XAB2: variants seen among roughly 807,000 people sequenced by gnomAD.
XAB2 encodes the protein pre-mRNA-splicing factor SYF1.
In XAB2, 57 loss-of-function variants were observed where a neutral mutation model predicts 113.4. The observed-to-expected ratio is 0.50, with a 90% CI of 0.41 to 0.63. The LOEUF (loss-of-function observed/expected upper bound fraction) is 0.63, where lower values mean the gene tolerates loss of function less well. Ranked by LOEUF, XAB2 falls within the 20% of genes least tolerant of loss-of-function variation. The pLI is 0.00. For missense variants in XAB2, 1,037 were observed against 1,233.3 expected (o/e 0.84, Z 2.38); for synonymous variants, 497 against 498.8 (o/e 1.00, Z 0.05).
In XAB2 at chr19:7,622,700, C is replaced by T. The variant is rs759845329; in HGVS notation, c.1372-39G>A. On this transcript the variant is annotated intron_variant, in intron 10 of 18. Coordinates refer to ENST00000358368, the MANE Select transcript of XAB2 (RefSeq NM_020196.3). The stretch of plus-strand genomic sequence containing the variant: ...CAGTGGCCGGGGAGGCGCTCAGGGG[C>T]TGTCCCTGGCCCTTGCCCTACAACC... 1.9e-6 allele frequency: 3 copies of T among 1,610,294 alleles called. No individual in the cohort carries two copies. In the Admixed American group the frequency reaches 5.0e-5, roughly 27 times the overall value.
chr19:7,619,538 T>G lies in XAB2; in HGVS notation c.*48A>C. On this transcript the variant is annotated 3_prime_UTR_variant, in exon 19 of 19. Transcript: ENST00000358368. ...AGGCTCAGACCATGATGTACAAACG[T>G]AGCTGTATTGGGGAGGGGGTGGGGA... is the stretch of plus-strand genomic sequence containing the variant. 7.4e-7 allele frequency: 1 copy of G among 1,347,596 alleles called. No homozygotes were observed. Among genetic ancestry groups the G allele is most frequent in the Non-Finnish European group, 9.9e-7 (1 of 1,010,948 alleles). 83.5% of individuals were successfully genotyped at this position (1,347,596 alleles called of 1,614,324 possible).
Position 7,627,146 on chromosome 19 carries a change from A to G in XAB2, c.522+97T>C. 7.2e-7 allele frequency: 1 copy of G among 1,388,908 alleles called. No individual in the cohort carries two copies. The highest frequency in any genetic ancestry group is 1.2e-5 in the South Asian group (1 of 81,042). 86.0% of individuals were successfully genotyped at this position (1,388,908 alleles called of 1,614,324 possible). A position where few individuals can be genotyped will look rare whatever the true frequency, so the allele number is the denominator to read the frequency against. On this transcript the variant is annotated intron_variant, in intron 4 of 18. Coordinates refer to ENST00000358368, the MANE Select transcript of XAB2 (RefSeq NM_020196.3). The surrounding 1 kb of genome is among the most constrained non-coding windows in gnomAD (Gnocchi z 4.5). ...TGCATCTCCAGGAGCCTCTTCCCAC[A>G]TCCCGTCTGCTGGGTGACATCCTAC... is the stretch of plus-strand genomic sequence containing the variant.
Position 7,627,092 on chromosome 19 carries a change from A to C in XAB2, c.522+151T>G, listed in dbSNP as rs900420077. ...TGAACAAACTATTTGGAAAATAAAG[A>C]CATGAATCACGGACAACAACAAAAC... On this transcript the variant is annotated intron_variant, in intron 4 of 18. Coordinates refer to ENST00000358368, the MANE Select transcript of XAB2 (RefSeq NM_020196.3). This position sits in a 1 kb window ranked among gnomAD's most constrained non-coding sequence, Gnocchi z 4.5. 8 of 899,214 alleles carry C rather than the reference A, an allele frequency of 8.9e-6. No individual in the cohort carries two copies. Among genetic ancestry groups the C allele is most frequent in the Middle Eastern group, 3.3e-4 (1 of 2,992 alleles). 55.7% of individuals were successfully genotyped at this position (899,214 alleles called of 1,614,324 possible).
Position 7,622,619 on chromosome 19 carries a change from C to T in XAB2, c.1414G>A (p.Gly472Ser), listed in dbSNP as rs1443348555. ...ACGCGGTTCTGCACGGGCTCTGAAC[C>T]ATCAAAGTACTCGGCCCGGCGGGCA... is the stretch of plus-strand genomic sequence containing the variant. Reference protein sequence around the residue: ...LPARRAEYFDGSEPVQNRVYK... With the variant: ...LPARRAEYFDSSEPVQNRVYK... Residue 472 changes from glycine to serine, a missense_variant, in exon 11 of 19, where the codon GGT becomes AGT. Physicochemically the swap from Gly to Ser is moderately conservative, Grantham distance 56 (BLOSUM62 0). Transcript: ENST00000358368. 6.2e-7 allele frequency: 1 copy of T among 1,612,410 alleles called. No individual in the cohort carries two copies. The highest frequency in any genetic ancestry group is 2.2e-5 in the East Asian group (1 of 44,882).
intron 11 of XAB2, 39 bp downstream of exon 11, chr19:7,622,491 G>A (rs2031054804): frequency 6.2e-7 from 1 of 1,613,786 alleles, no homozygotes. Flanking sequence ...CTGGAGCTGA[G>A]TCCGGGGCCC....
In XAB2 at chr19:7,621,191, C is replaced by T. The variant is rs750891344; in HGVS notation, c.1724G>A (p.Arg575Gln). The change falls in exon 13 of 19, where the codon CGG becomes CAG. Residue 575 changes from arginine (R) to glutamine (Q), a missense_variant. Physicochemically the swap from Arg to Gln is conservative, Grantham distance 43. Transcript: ENST00000358368. Reference sequence around the variant, plus strand: ...AGCCTGTTCAAACAGGTCCCGTGCCCGCTCCAGCTTGCGGCCCCCATAGCG... The same window carrying T: ...AGCCTGTTCAAACAGGTCCCGTGCCTGCTCCAGCTTGCGGCCCCCATAGCG... ...IARYGGRKLERARDLFEQALD... is the reference protein window; with the variant it reads ...IARYGGRKLEQARDLFEQALD... 5 of 1,613,040 alleles carry T rather than the reference C, an allele frequency of 3.1e-6. No homozygotes were observed. The highest frequency in any genetic ancestry group is 2.2e-5 in the East Asian group (1 of 44,876).
chr19:7,622,481 C>T, intron 11 of XAB2, 37 bp from the exon 12 acceptor site: 1 of 1,613,926 alleles, frequency 6.2e-7, no homozygotes, highest in Non-Finnish European at 8.5e-7. Context: ...GGAGCTGGTT[C>T]TGGAGCTGAG....
Position 7,627,198 on chromosome 19 carries a change from T to C in XAB2, c.522+45A>G, listed in dbSNP as rs774318894. Reference sequence around the variant, plus strand: ...CGGAGCTAGTGTCACAGTGAGGCCGTTTCTGGAAACTAACCTGGGGAACCA... The same window carrying C: ...CGGAGCTAGTGTCACAGTGAGGCCGCTTCTGGAAACTAACCTGGGGAACCA... On this transcript the variant is annotated intron_variant, in intron 4 of 18. Coordinates refer to ENST00000358368, the MANE Select transcript of XAB2 (RefSeq NM_020196.3). This position sits in a 1 kb window ranked among gnomAD's most constrained non-coding sequence, Gnocchi z 4.5. The C allele has an allele frequency of 3.7e-6, 6 of 1,601,550 alleles. No individual in the cohort carries two copies. Among genetic ancestry groups the C allele is most frequent in the Non-Finnish European group, 5.1e-6 (6 of 1,177,004 alleles).
chr19:7,626,293 G>T (rs138662514), intron 4 of XAB2, 23 bp from the exon 5 acceptor site: 51 of 1,598,430 alleles, frequency 3.2e-5, no homozygotes, highest in Non-Finnish European at 4.3e-5. Flanking sequence ...CCACCCCTCA[G>T]GCAGTCAGTG....
Position 7,625,903 on chromosome 19 carries a change from T to C in XAB2, c.799A>G (p.Ile267Val), listed in dbSNP as rs1446908025. The C allele has an allele frequency of 1.2e-6, 2 of 1,611,750 alleles. No individual in the cohort carries two copies. Among genetic ancestry groups the C allele is most frequent in the South Asian group, 1.1e-5 (1 of 90,882 alleles). The part of the protein sequence containing the change: ...KLWCSLADYY[I>V]RSGHFEKARD... Reference sequence around the variant, plus strand: ...ACCTTCTCGAAATGGCCGCTGCGGATGTAGTAGTCGGCGAGAGAACACCAG... The same window carrying C: ...ACCTTCTCGAAATGGCCGCTGCGGACGTAGTAGTCGGCGAGAGAACACCAG... Residue 267 changes from isoleucine to valine, a missense_variant, in exon 6 of 19, where the codon ATC becomes GTC. Ile to Val is a conservative substitution (Grantham distance 29). Transcript: ENST00000358368. The surrounding 1 kb of genome is among the most constrained non-coding windows in gnomAD (Gnocchi z 5.2).
In XAB2 at chr19:7,619,640, C is replaced by T. The variant is rs763586732; in HGVS notation, c.2514G>A (p.Arg838=). 25 of 1,603,636 alleles carry T rather than the reference C, an allele frequency of 1.6e-5. No individual in the cohort carries two copies. The highest frequency in any genetic ancestry group is 1.9e-5 in the Non-Finnish European group (22 of 1,174,468). Reference sequence around the variant, plus strand: ...CGGCTGGCACGCTCTGCTGCTCCAGCCGAACCTCTGTGGGGAAGGCGGGAG... The same window carrying T: ...CGGCTGGCACGCTCTGCTGCTCCAGTCGAACCTCTGTGGGGAAGGCGGGAG... ...DEMDLEPNEV[R]LEQQSVPAAV... is the part of the protein sequence containing the mutation. The change falls in exon 19 of 19, where the codon CGG becomes CGA. Residue 838 remains arginine, a synonymous_variant. Transcript: ENST00000358368.
Position 7,626,270 on chromosome 19 carries a change from G to A in XAB2, c.523C>T (p.Leu175=), listed in dbSNP as rs780940197. The A allele has an allele frequency of 5.0e-6, 8 of 1,607,908 alleles. No individual in the cohort carries two copies. The highest frequency in any genetic ancestry group is 6.8e-6 in the Non-Finnish European group (8 of 1,178,006). The change falls in exon 5 of 19, where the codon CTG becomes TTG. Residue 175 remains leucine, a splice_region_variant and synonymous_variant. Coordinates refer to ENST00000358368, the MANE Select transcript of XAB2 (RefSeq NM_020196.3). ...AVRGYRRFLK[L]SPESAEEYIE... ...TACTCCTCTGCACTCTCAGGACTCA[G>A]CTGGGGACCGAGCCACCCCTCAGGC...
chr19:7,622,252 G>A (rs947786715), intron 12 of XAB2, 79 bp downstream of exon 12: 30 of 1,330,994 alleles, frequency 2.3e-5, no homozygotes, highest in Non-Finnish European at 3.1e-5. Flanking sequence ...ACAAGCCCCA[G>A]CAGATTCGTA....
At chr19:7,621,098 C>CCCCCCCCCCCCCCCCA in intron 13 of XAB2, 37 bp downstream of exon 13, 1 of 1,495,076 alleles carries the variant, frequency 6.7e-7, no homozygotes, top group Non-Finnish European at 9.0e-7. Context: ...AAACCCAGCC[C>CCCCCCCCCCCCCCCCA]GCCCGCCACC....
Position 7,626,284 on chromosome 19 carries a change from C to A in XAB2, c.523-14G>T, listed in dbSNP as rs775575789. The A allele has an allele frequency of 1.2e-6, 2 of 1,604,122 alleles. No individual in the cohort carries two copies. The highest frequency in any genetic ancestry group is 1.7e-5 in the Admixed American group (1 of 59,940). On this transcript the variant is annotated splice_polypyrimidine_tract_variant and intron_variant, in intron 4 of 18. Transcript: ENST00000358368. ...CTCAGGACTCAGCTGGGGACCGAGC[C>A]ACCCCTCAGGCAGTCAGTGGGGTGG...
At position 7,627,856 on chromosome 19, in the gene XAB2, G is replaced by A. The variant is rs778389902; in HGVS notation, c.201-5C>T. 1.9e-6 allele frequency: 3 copies of A among 1,611,562 alleles called. No individual in the cohort carries two copies. The highest frequency in any genetic ancestry group is 2.5e-6 in the Non-Finnish European group (3 of 1,177,880). Reference sequence around the variant, plus strand: ...TATCGGTACCAGAGTTTGTAGCTGGGGAATAGGAGGGGACAGATGCTGATC... The same window carrying A: ...TATCGGTACCAGAGTTTGTAGCTGGAGAATAGGAGGGGACAGATGCTGATC... On this transcript the variant is annotated splice_region_variant and splice_polypyrimidine_tract_variant and intron_variant, in intron 2 of 18. Transcript: ENST00000358368. The surrounding 1 kb of genome is among the most constrained non-coding windows in gnomAD (Gnocchi z 4.5).
rs1343001048 is a variant in XAB2 at position 7,623,061 on chromosome 19, C to T, written c.1239+109G>A. ...ATGCATGCACCCAAATGCACATGCACACACACGTGCACACATCCATGCACA... is the reference window on the plus strand; with the variant it reads ...ATGCATGCACCCAAATGCACATGCATACACACGTGCACACATCCATGCACA... On this transcript the variant is annotated intron_variant, in intron 9 of 18. Coordinates refer to ENST00000358368, the MANE Select transcript of XAB2 (RefSeq NM_020196.3). The surrounding 1 kb of genome is among the most constrained non-coding windows in gnomAD (Gnocchi z 4.6). 4.6e-5 allele frequency: 71 copies of T among 1,557,994 alleles called. No homozygotes were observed. The highest frequency in any genetic ancestry group is 1.1e-4 in the Admixed American group (6 of 57,002).
Position 7,623,083 on chromosome 19 carries a change from C to A in XAB2, c.1239+87G>T. 1 of 1,581,032 alleles carries A rather than the reference C, an allele frequency of 6.3e-7. No homozygotes were observed. The highest frequency in any genetic ancestry group is 8.6e-7 in the Non-Finnish European group (1 of 1,163,400). ...GCACACACACGTGCACACATCCATG[C>A]ACAAATATGTACACACACATACATG... On this transcript the variant is annotated intron_variant, in intron 9 of 18. Coordinates refer to ENST00000358368, the MANE Select transcript of XAB2 (RefSeq NM_020196.3). This position sits in a 1 kb window ranked among gnomAD's most constrained non-coding sequence, Gnocchi z 4.6.
At position 7,623,236 on chromosome 19, in the gene XAB2, T is replaced by C; in HGVS notation, c.1173A>G (p.Thr391=). ...AVQTVDPFKA[T]GKPHTLWVAF... is the part of the protein sequence containing the mutation. The stretch of plus-strand genomic sequence containing the variant: ...CCACCCACAGAGTGTGGGGCTTGCC[T>C]GTGGCCTTGAAGGGGTCCACCGTCT... Residue 391 remains threonine (T), a synonymous_variant, in exon 9 of 19, where the codon ACA becomes ACG. Transcript: ENST00000358368. This position sits in a 1 kb window ranked among gnomAD's most constrained non-coding sequence, Gnocchi z 4.6. The C allele has an allele frequency of 6.2e-7, 1 of 1,613,846 alleles. No individual in the cohort carries two copies. Among genetic ancestry groups the C allele is most frequent in the African/African-American group, 1.3e-5 (1 of 75,056 alleles).
Sources: gnomAD v4.1 joint callset for allele counts on GRCh38, gnomAD v4.1.1 for gene constraint, Gnocchi (gnomAD v3.1) non-coding constraint, MANE v1.5 for transcripts, NCBI Gene and HGNC (gene_info 2026-07-23, HGNC 2026-07-21) for gene names.